The following LTBP1 variants were observed in gnomAD, a reference collection of about 807,000 sequenced individuals.
LTBP1 encodes the protein latent transforming growth factor beta binding protein 1.
In LTBP1, 129 loss-of-function variants were observed where a neutral mutation model predicts 207.6. That is an observed-to-expected ratio of 0.62 (90% CI 0.54 to 0.72). LTBP1 has a LOEUF of 0.72. Among genes scored for constraint, LTBP1 ranks in the 30% least tolerant of loss-of-function variants. LTBP1 has a pLI of 0.00. For synonymous variants in LTBP1, 963 were observed against 833.7 expected (o/e 1.16, Z -2.67); for missense variants, 2,281 against 2,217.2 (o/e 1.03, Z -0.58).
intron 3 of LTBP1, among the ~76,000 whole-genome samples, chr2:33,059,643 G>A (rs2077171137): frequency 1.3e-5 from 2 of 152,008 alleles, no homozygotes; most frequent in African/African-American, 4.8e-5. Context: ...AAATACAGGG[G>A]GTCAGATTCA....
intron 3 of LTBP1, among the ~76,000 whole-genome samples, chr2:33,056,004 G>T (rs182492338): frequency 6.6e-6 from 1 of 152,294 alleles, no homozygotes; most frequent in Admixed American, 6.5e-5. Flanking sequence ...TGTAAGCTTT[G>T]CATAGTTGTG....
Position 33,399,426 on chromosome 2 carries a change from T to C in LTBP1, c.*881T>C, listed in dbSNP as rs1192512447. The C allele has an allele frequency of 1.3e-5, 2 of 152,172 alleles. No homozygotes were observed. The highest frequency in any genetic ancestry group is 2.9e-5 in the Non-Finnish European group (2 of 68,018). 9.4% of individuals were successfully genotyped at this position (152,172 alleles called of 1,614,324 possible). A position where few individuals can be genotyped will look rare whatever the true frequency, so the allele number is the denominator to read the frequency against. On this transcript the variant is annotated 3_prime_UTR_variant, in exon 34 of 34. Coordinates refer to ENST00000404816, the MANE Select transcript of LTBP1 (RefSeq NM_206943.4). ...TAAGTTGTATCCCACTCTCCCCACTTTTATCTTTTCCAGTGGTCTTCTGTT... is the reference window on the plus strand; with the variant it reads ...TAAGTTGTATCCCACTCTCCCCACTCTTATCTTTTCCAGTGGTCTTCTGTT...
At chr2:33,101,130 A>G (rs1366768446) in intron 3 of LTBP1, among the ~76,000 whole-genome samples, 3 of 152,196 alleles carry the variant, frequency 2.0e-5, no homozygotes, top group Admixed American at 6.5e-5. Context: ...CAGTGCTTGT[A>G]GGGCTAGGTT....
At position 33,004,786 on chromosome 2, in the gene LTBP1, A is replaced by AATATGTATATATATATATAT. The variant is rs1553365180; in HGVS notation, c.566-16119_566-16118insGTATATATATATATATATAT. On this transcript the variant is annotated intron_variant, in intron 2 of 33. Coordinates refer to ENST00000404816, the MANE Select transcript of LTBP1 (RefSeq NM_206943.4). ...TGAGCCTCAGTCTCAAAAAAAAAGG[A>AATATGTATATATATATATAT]ATATATATATATATATATATATATA... 4.0e-5 allele frequency among the ~76,000 whole-genome samples: 4 copies of AATATGTATATATATATATAT among 101,130 alleles called. 1 individual carries two copies. The highest frequency in any genetic ancestry group is 2.7e-4 in the Admixed American group (2 of 7,446). 66.3% of individuals were successfully genotyped at this position (101,130 alleles called of 152,430 possible).
Position 32,947,611 on chromosome 2 carries a change from A to C in LTBP1, c.287A>C (p.Gln96Pro). 17 of 1,333,248 alleles carry C rather than the reference A, an allele frequency of 1.3e-5. No individual in the cohort carries two copies. The highest frequency in any genetic ancestry group is 1.6e-5 in the Non-Finnish European group (17 of 1,048,324). 82.6% of individuals were successfully genotyped at this position (1,333,248 alleles called of 1,614,324 possible). A position where few individuals can be genotyped will look rare whatever the true frequency, so the allele number is the denominator to read the frequency against. Residue 96 changes from glutamine to proline, a missense_variant, in exon 1 of 34, where the codon CAG (glutamine) becomes CCG (proline). Coordinates refer to ENST00000404816, the MANE Select transcript of LTBP1 (RefSeq NM_206943.4). ...AGCAAGCCGGGCGGCGCGGCCCTGC[A>C]GGGGCTCAGACCGCCGCCGCCGCCG... ...RTSKPGGAAL[Q>P]GLRPPPPPPP...
rs140060436 is a variant in LTBP1 at position 33,188,716 on chromosome 2, G to T, written c.1566G>T (p.Ser522=). Residue 522 remains serine (S), a synonymous_variant, in exon 7 of 34, where the codon TCG becomes TCT. Coordinates refer to ENST00000404816, the MANE Select transcript of LTBP1 (RefSeq NM_206943.4). ...KEAQPGQSQV[S]YQGLPVQKTQ... ...CTCAACCAGGCCAATCCCAAGTCTCGTACCAAGGGCTTCCTGTCCAGAAGA... is the reference window on the plus strand; with the variant it reads ...CTCAACCAGGCCAATCCCAAGTCTCTTACCAAGGGCTTCCTGTCCAGAAGA... 9 of 1,613,972 alleles carry T rather than the reference G, an allele frequency of 5.6e-6. No individual in the cohort carries two copies. The highest frequency in any genetic ancestry group is 5.5e-5 in the South Asian group (5 of 91,084).
At chr2:33,041,067 A>T (rs1408661187) in intron 3 of LTBP1, among the ~76,000 whole-genome samples, 1 of 152,210 alleles carries the variant, frequency 6.6e-6, no homozygotes, top group Non-Finnish European at 1.5e-5. Context: ...GTAACCTGCC[A>T]AAATGACAGC....
At chr2:33,283,043 C>T (rs1021990541) in intron 19 of LTBP1, among the ~76,000 whole-genome samples, 2 of 113,212 alleles carry the variant, frequency 1.8e-5, no homozygotes, top group Admixed American at 1.3e-4. Flanking sequence ...AGCCTGGCGA[C>T]AGAGCAAGAC....
intron 16 of LTBP1, 132 bp from the exon 17 acceptor site, chr2:33,274,833 T>A: frequency 1.3e-6 from 1 of 787,320 alleles, no homozygotes; most frequent in South Asian, 1.7e-5. Flanking sequence ...AGATCGTGTC[T>A]CCTTTTGCTG....
intron 2 of LTBP1, among the ~76,000 whole-genome samples, chr2:33,011,609 T>C (rs915576211): frequency 6.6e-6 from 1 of 151,984 alleles, no homozygotes; most frequent in East Asian, 1.9e-4. Context: ...CTTGGACTTT[T>C]AGCTCCCAGA....
chr2:32,988,082 T>C (rs1683869824), intron 2 of LTBP1, among the ~76,000 whole-genome samples: 1 of 152,184 alleles, frequency 6.6e-6, no homozygotes, highest in Non-Finnish European at 1.5e-5. Flanking sequence ...ACCTATAGTG[T>C]ACCTGGAAGA....
At chr2:33,361,704 C>A (rs73927504) in intron 28 of LTBP1, among the ~76,000 whole-genome samples, 189 bp downstream of exon 28, 1,644 of 152,192 alleles carry the variant, frequency 0.011, 29 homozygotes, top group African/African-American at 0.037. Flanking sequence ...GTATGATGCT[C>A]GGAGTTTGAC....
chr2:33,163,967 AT>A (rs1010472999), intron 5 of LTBP1, among the ~76,000 whole-genome samples: 34 of 149,504 alleles, frequency 2.3e-4, no homozygotes, highest in African/African-American at 5.2e-4. Context: ...ATTGATTCTT[AT>A]TTTTTTTTTC....
rs199695750 is a variant in LTBP1 at position 33,315,277 on chromosome 2, A to C, written c.3730+8A>C. ...ATGGCCGTACGTGTGAAGGTAAGATAAACCATACGAAATCATATTGTTGTG... is the reference window on the plus strand; with the variant it reads ...ATGGCCGTACGTGTGAAGGTAAGATCAACCATACGAAATCATATTGTTGTG... On this transcript the variant is annotated splice_region_variant and intron_variant, in intron 24 of 33. Transcript: ENST00000404816. The C allele has an allele frequency of 6.3e-5, 102 of 1,609,546 alleles. No homozygotes were observed. The highest frequency in any genetic ancestry group is 8.4e-5 in the Non-Finnish European group (99 of 1,179,104).
intron 23 of LTBP1, among the ~76,000 whole-genome samples, chr2:33,311,213 G>T (rs1329443474): frequency 6.6e-6 from 1 of 151,986 alleles, no homozygotes; most frequent in African/African-American, 2.4e-5. Flanking sequence ...TTTGCCACAA[G>T]GTTTTTAAAA....
At chr2:33,216,684 G>A (rs1162881059) in intron 7 of LTBP1, among the ~76,000 whole-genome samples, 1 of 152,194 alleles carries the variant, frequency 6.6e-6, no homozygotes, top group Non-Finnish European at 1.5e-5. Flanking sequence ...GGGTGTGTTA[G>A]CCTGCATAGC....
At chr2:33,043,423 T>G (rs560327633) in intron 3 of LTBP1, among the ~76,000 whole-genome samples, 1 of 152,326 alleles carries the variant, frequency 6.6e-6, no homozygotes, top group East Asian at 1.9e-4. Context: ...AAACCAAAAT[T>G]TATAGGCTGG....
At chr2:32,956,462 C>T (rs891091065) in intron 2 of LTBP1, among the ~76,000 whole-genome samples, 1 of 152,196 alleles carries the variant, frequency 6.6e-6, no homozygotes, top group Non-Finnish European at 1.5e-5. Flanking sequence ...TTTGCTCATT[C>T]ATAAGAAGCA....
intron 5 of LTBP1, among the ~76,000 whole-genome samples, chr2:33,186,625 A>T (rs1166072032): frequency 1.3e-5 from 2 of 152,338 alleles, no homozygotes; most frequent in African/African-American, 2.4e-5. Flanking sequence ...TTGGAGGGAG[A>T]ATAATTACAA....
Sources: gnomAD v4.1 joint callset for allele counts (sites outside exome capture counted in the v4.1 genomes callset) on GRCh38, gnomAD v4.1.1 for gene constraint, MANE v1.5 for transcripts, NCBI Gene and HGNC (gene_info 2026-07-23, HGNC 2026-07-21) for gene names.